EXOC6B: variants seen among roughly 807,000 people sequenced by gnomAD.
EXOC6B encodes the protein exocyst complex component 6B.
A neutral mutation model predicts 113.5 loss-of-function variants in EXOC6B; 54 were observed. The observed-to-expected ratio is 0.48, with a 90% CI of 0.38 to 0.60. The LOEUF (loss-of-function observed/expected upper bound fraction) is 0.60, where lower values mean the gene tolerates loss of function less well. Ranked by LOEUF, EXOC6B falls within the 20% of genes least tolerant of loss-of-function variation. The probability of loss-of-function intolerance (pLI) is 0.00; values close to 1 mark genes in which losing one functional copy is unlikely to be tolerated. For synonymous variants in EXOC6B, 357 were observed against 339.0 expected, an observed-to-expected ratio of 1.05 and a Z score of -0.58; for missense variants, 797 against 977.5, an observed-to-expected ratio of 0.82 and a Z score of 2.46.
chr2:72,715,765 A>G (rs1316553786), intron 6 of EXOC6B, among the ~76,000 whole-genome samples: 1 of 152,174 alleles, frequency 6.6e-6, no homozygotes, highest in African/African-American at 2.4e-5. Context: ...GGGAGGAGAC[A>G]CCAGTGCAGA....
intron 11 of EXOC6B, among the ~76,000 whole-genome samples, chr2:72,500,794 A>C (rs1490232136): frequency 2.0e-5 from 3 of 152,174 alleles, no homozygotes; most frequent in African/African-American, 7.2e-5. Context: ...CTTTAATTAT[A>C]ATTTTTGTTA....
intron 6 of EXOC6B, among the ~76,000 whole-genome samples, chr2:72,691,946 A>G (rs886783588): frequency 3.3e-5 from 5 of 151,882 alleles, no homozygotes; most frequent in African/African-American, 1.2e-4. Context: ...AGCCTCCCAA[A>G]GTGCTGGGAT....
chr2:72,271,010 T>G (rs1455887996), intron 20 of EXOC6B, among the ~76,000 whole-genome samples: 1 of 152,218 alleles, frequency 6.6e-6, no homozygotes, highest in African/African-American at 2.4e-5. Context: ...TTGCTAGCAG[T>G]TCTCAAGTAC....
intron 18 of EXOC6B, among the ~76,000 whole-genome samples, chr2:72,401,518 T>C (rs1274857727): frequency 7.3e-4 from 12 of 16,534 alleles, no homozygotes; most frequent in African/African-American, 4.2e-3. Flanking sequence ...TATATATACA[T>C]ATATACATAT....
chr2:72,475,921 C>T (rs1698711192), intron 17 of EXOC6B, among the ~76,000 whole-genome samples: 1 of 152,198 alleles, frequency 6.6e-6, no homozygotes, highest in African/African-American at 2.4e-5. Context: ...TGGGTGGCCC[C>T]TGGTCACTGG....
intron 18 of EXOC6B, among the ~76,000 whole-genome samples, chr2:72,452,560 A>G (rs1309338021): frequency 2.0e-5 from 3 of 152,166 alleles, no homozygotes; most frequent in Non-Finnish European, 4.4e-5. Context: ...ACAGGTGTTA[A>G]GCTGTATTTT....
At position 72,229,188 on chromosome 2, in the gene EXOC6B, G is replaced by A. The variant is rs527256066; in HGVS notation, c.2197-45001C>T. On this transcript the variant is annotated intron_variant, in intron 20 of 21. Coordinates refer to ENST00000272427, the MANE Select transcript of EXOC6B (RefSeq NM_015189.3). ...TATGAGTGACTGATTGAGTAGTGAT[G>A]CCTTTAATGGGGAGGAGGAAAAGAG... is the stretch of plus-strand genomic sequence containing the variant. 9.2e-5 allele frequency among the ~76,000 whole-genome samples: 14 copies of A among 152,220 alleles called. No individual in the cohort carries two copies. The East Asian group carries it at 1.5e-3, about 17-fold the overall frequency.
intron 1 of EXOC6B, among the ~76,000 whole-genome samples, chr2:72,783,937 G>T (rs1386259309): frequency 6.6e-6 from 1 of 152,110 alleles, no homozygotes; most frequent in Non-Finnish European, 1.5e-5. Context: ...GTTCTGGAGT[G>T]TTTCCTCTAT....
At chr2:72,383,025 A>G (rs1224660930) in intron 18 of EXOC6B, among the ~76,000 whole-genome samples, 1 of 152,212 alleles carries the variant, frequency 6.6e-6, no homozygotes, top group Non-Finnish European at 1.5e-5. Context: ...TGTAAAACCT[A>G]AATCTATAAA....
chr2:72,760,048 T>C (rs1423869288), intron 1 of EXOC6B, among the ~76,000 whole-genome samples: 1 of 152,202 alleles, frequency 6.6e-6, no homozygotes, highest in Non-Finnish European at 1.5e-5. Context: ...CCAAGTGAGA[T>C]AAATTTTAGG....
At chr2:72,357,271 A>G (rs1007948750) in intron 19 of EXOC6B, among the ~76,000 whole-genome samples, 1 of 152,192 alleles carries the variant, frequency 6.6e-6, no homozygotes, top group African/African-American at 2.4e-5. Context: ...ATTGTACCTA[A>G]TTTATAAACT....
chr2:72,513,198 T>G lies in EXOC6B; in HGVS notation c.1101A>C (p.Arg367Ser). The G allele has an allele frequency of 6.2e-7, 1 of 1,613,380 alleles. No individual in the cohort carries two copies. Among genetic ancestry groups the G allele is most frequent in the Non-Finnish European group, 8.5e-7 (1 of 1,179,426 alleles). The change falls in exon 11 of 22, where the codon AGA (arginine) becomes AGC (serine). Residue 367 changes from arginine to serine, a missense_variant. By Grantham distance (110) the Arg-to-Ser change is moderately radical. Transcript: ENST00000272427. ...ILHTTQGLVNRAYIDELWEMA... is the reference protein window; with the variant it reads ...ILHTTQGLVNSAYIDELWEMA... ...TTTCCCACAGTTCATCAATGTAGGCTCTATTTACTAAGCCCTGGGTTGTAT... is the reference window on the plus strand; with the variant it reads ...TTTCCCACAGTTCATCAATGTAGGCGCTATTTACTAAGCCCTGGGTTGTAT...
chr2:72,819,227 TTAATA>T (rs1230622381), intron 1 of EXOC6B, among the ~76,000 whole-genome samples: 1 of 152,136 alleles, frequency 6.6e-6, no homozygotes, highest in African/African-American at 2.4e-5. Flanking sequence ...CATCTAATAT[TTAATA>T]TAATAACATG....
chr2:72,477,730 G>A (rs1698834753), intron 17 of EXOC6B, among the ~76,000 whole-genome samples: 1 of 152,160 alleles, frequency 6.6e-6, no homozygotes, highest in African/African-American at 2.4e-5. Flanking sequence ...CATACCATTA[G>A]TGATAGATAC....
chr2:72,354,396 G>T (rs928555844), intron 19 of EXOC6B: 2 of 152,194 alleles, frequency 1.3e-5, no homozygotes, highest in African/African-American at 4.8e-5. Flanking sequence ...GCCAATCTCT[G>T]AAAGCCAATA....
chr2:72,309,236 G>T (rs971160619), intron 20 of EXOC6B, among the ~76,000 whole-genome samples: 1 of 152,156 alleles, frequency 6.6e-6, no homozygotes, highest in Non-Finnish European at 1.5e-5. Context: ...GAGAAGTAGA[G>T]CTTAGAAAGA....
At chr2:72,746,861 C>T (rs1394850104) in intron 1 of EXOC6B, among the ~76,000 whole-genome samples, 1 of 151,940 alleles carries the variant, frequency 6.6e-6, no homozygotes, top group East Asian at 1.9e-4. Flanking sequence ...GTGGCATGGG[C>T]CCCCAAAATG....
rs1241881229 is a variant in EXOC6B at position 72,825,854 on chromosome 2, C to T, written c.57G>A (p.Glu19=). 7 of 1,613,516 alleles carry T rather than the reference C, an allele frequency of 4.3e-6. No individual in the cohort carries two copies. The highest frequency in any genetic ancestry group is 5.1e-6 in the Non-Finnish European group (6 of 1,179,756). The part of the protein sequence containing the change: ...AESLETAAEH[E]RILREIESTD... ...TGCTCTCGATCTCTCGCAGGATCCG[C>T]TCGTGCTCTGCCGCTGTCTCCAGGC... is the stretch of plus-strand genomic sequence containing the variant. Residue 19 remains glutamate (E), a synonymous_variant, in exon 1 of 22, where the codon GAG becomes GAA. Transcript: ENST00000272427. This position sits in a 1 kb window ranked among gnomAD's most constrained non-coding sequence, Gnocchi z 4.4.
chr2:72,368,190 T>C (rs1690759121), intron 19 of EXOC6B, among the ~76,000 whole-genome samples: 1 of 152,100 alleles, frequency 6.6e-6, no homozygotes, highest in South Asian at 2.1e-4. Context: ...ATATCACCAC[T>C]GATCCCACAG....
Sources: allele counts gnomAD v4.1 joint callset (sites outside exome capture counted in the v4.1 genomes callset), GRCh38; gene constraint gnomAD v4.1.1; non-coding constraint Gnocchi (gnomAD v3.1); transcripts MANE v1.5; gene names NCBI Gene and HGNC (gene_info 2026-07-23, HGNC 2026-07-21).